TACR1: variants seen among roughly 807,000 people sequenced by gnomAD.
TACR1 encodes the protein substance-P receptor.
A neutral mutation model predicts 35.8 loss-of-function variants in TACR1; 25 were observed. The observed-to-expected ratio is 0.70, with a 90% CI of 0.51 to 0.98. The LOEUF (loss-of-function observed/expected upper bound fraction) is 0.98, where lower values mean the gene tolerates loss of function less well. Among genes scored for constraint, TACR1 ranks in the 50% least tolerant of loss-of-function variants. TACR1 has a pLI of 0.00. For missense variants in TACR1, 478 were observed against 522.9 expected (o/e 0.91, Z 0.84); for synonymous variants, 195 against 206.7 (o/e 0.94, Z 0.48).
chr2:75,143,228 T>A (rs1480276713), intron 1 of TACR1, among the ~76,000 whole-genome samples: 2 of 152,212 alleles, frequency 1.3e-5, no homozygotes, highest in Admixed American at 6.5e-5. Context: ...GGATCCTGAT[T>A]GGCCTTGCTG....
At chr2:75,074,897 C>T (rs952127745) in intron 2 of TACR1, among the ~76,000 whole-genome samples, 2 of 152,130 alleles carry the variant, frequency 1.3e-5, no homozygotes, top group African/African-American at 2.4e-5. Flanking sequence ...CTGGGGTTTT[C>T]CCAGTTTCAA....
intron 2 of TACR1, among the ~76,000 whole-genome samples, chr2:75,055,223 T>C (rs1396421160): frequency 6.6e-6 from 1 of 152,264 alleles, no homozygotes; most frequent in Non-Finnish European, 1.5e-5. Context: ...ATCACTTCTT[T>C]GTAAAGCCCC....
At chr2:75,101,618 T>C (rs1037596343) in intron 2 of TACR1, among the ~76,000 whole-genome samples, 17 of 152,178 alleles carry the variant, frequency 1.1e-4, no homozygotes, top group Admixed American at 7.2e-4. Flanking sequence ...ATTCTGGAAC[T>C]GCACCTGATA....
At chr2:75,136,919 A>G (rs1674303670) in intron 1 of TACR1, among the ~76,000 whole-genome samples, 1 of 152,170 alleles carries the variant, frequency 6.6e-6, no homozygotes, top group Non-Finnish European at 1.5e-5. Context: ...CTGGTAGACT[A>G]CCTAGGAGAT....
chr2:75,085,824 G>T (rs958073011), intron 2 of TACR1, among the ~76,000 whole-genome samples: 1 of 152,034 alleles, frequency 6.6e-6, no homozygotes, highest in African/African-American at 2.4e-5. Flanking sequence ...TCACTTGTTA[G>T]AACATTTTCA....
intron 2 of TACR1, among the ~76,000 whole-genome samples, chr2:75,106,224 A>C (rs1311297898): frequency 6.6e-6 from 1 of 152,056 alleles, no homozygotes; most frequent in Non-Finnish European, 1.5e-5. Context: ...ATAATACATG[A>C]ATTACAAACT....
At chr2:75,100,661 G>A (rs1167152395) in intron 2 of TACR1, among the ~76,000 whole-genome samples, 1 of 152,208 alleles carries the variant, frequency 6.6e-6, no homozygotes, top group East Asian at 1.9e-4. Context: ...GGTGACGAGT[G>A]TGATAGGTCA....
intron 1 of TACR1, among the ~76,000 whole-genome samples, chr2:75,148,877 C>A (rs1300209096): frequency 6.6e-6 from 1 of 152,086 alleles, no homozygotes. Context: ...AGTCTTTAAT[C>A]CATCTTGAGT....
At chr2:75,115,169 T>C (rs1247308602) in intron 2 of TACR1, among the ~76,000 whole-genome samples, 2 of 149,862 alleles carry the variant, frequency 1.3e-5, no homozygotes, top group South Asian at 2.1e-4. Context: ...AAATTGTCTA[T>C]ATGGTAAATG....
intron 2 of TACR1, among the ~76,000 whole-genome samples, chr2:75,104,679 A>G (rs1177482577): frequency 1.3e-5 from 2 of 152,110 alleles, no homozygotes; most frequent in Non-Finnish European, 2.9e-5. Flanking sequence ...CTGAAATCAT[A>G]TCAAGTATCT....
intron 1 of TACR1, among the ~76,000 whole-genome samples, chr2:75,157,027 C>T (rs1674877600): frequency 6.6e-6 from 1 of 152,142 alleles, no homozygotes; most frequent in African/African-American, 2.4e-5. Flanking sequence ...TCCATTTCTC[C>T]AAAGGACTCA....
chr2:75,177,837 A>G (rs1038973496), intron 1 of TACR1, among the ~76,000 whole-genome samples: 1 of 152,216 alleles, frequency 6.6e-6, no homozygotes, highest in Non-Finnish European at 1.5e-5. Flanking sequence ...GCATGCTTCA[A>G]CATTGCTTGA....
chr2:75,179,075 A>G (rs1015160208), intron 1 of TACR1, among the ~76,000 whole-genome samples: 5 of 152,130 alleles, frequency 3.3e-5, no homozygotes, highest in Non-Finnish European at 7.4e-5. Flanking sequence ...CTACTTGTCT[A>G]TCTACTGCCT....
intron 1 of TACR1, among the ~76,000 whole-genome samples, chr2:75,153,297 G>T (rs1674715896): frequency 6.6e-6 from 1 of 152,190 alleles, no homozygotes; most frequent in Non-Finnish European, 1.5e-5. Flanking sequence ...AAGATGCTAT[G>T]GCAAGAAAGC....
At chr2:75,189,942 T>C (rs1258060729) in intron 1 of TACR1, 1 of 152,210 alleles carries the variant, frequency 6.6e-6, no homozygotes, top group African/African-American at 2.4e-5. Context: ...TATGTAAGAT[T>C]GATTTGATTA....
intron 1 of TACR1, among the ~76,000 whole-genome samples, chr2:75,184,535 A>C (rs181030962): frequency 5.3e-5 from 8 of 152,058 alleles, no homozygotes; most frequent in Non-Finnish European, 8.8e-5. Context: ...GAGAAAAAAA[A>C]CCAGAAAAAT....
rs1672419208 is a variant in TACR1 at position 75,049,196 on chromosome 2, A to G, written c.*236T>C. 3 of 506,724 alleles carry G rather than the reference A, an allele frequency of 5.9e-6. No homozygotes were observed. The highest frequency in any genetic ancestry group is 3.7e-5 in the South Asian group (1 of 26,798). 31.4% of individuals were successfully genotyped at this position (506,724 alleles called of 1,614,324 possible). A position where few individuals can be genotyped will look rare whatever the true frequency, so the allele number is the denominator to read the frequency against. On this transcript the variant is annotated 3_prime_UTR_variant, in exon 5 of 5. Transcript: ENST00000305249. ...AAGCTGGTCCGACCTTTTATTTTAC[A>G]GGCTCAGCAAAGTTCAGTGATTTGG... is the stretch of plus-strand genomic sequence containing the variant.
chr2:75,183,762 A>G (rs1349975372), intron 1 of TACR1, among the ~76,000 whole-genome samples: 1 of 152,178 alleles, frequency 6.6e-6, no homozygotes, highest in African/African-American at 2.4e-5. Context: ...TGAGGGAGTA[A>G]AATCCTCAAA....
At chr2:75,180,894 T>G (rs1478460360) in intron 1 of TACR1, among the ~76,000 whole-genome samples, 1 of 152,202 alleles carries the variant, frequency 6.6e-6, no homozygotes. Flanking sequence ...AAATAACTGT[T>G]GAATTTCTAC....
Sources: gnomAD v4.1 joint callset for allele counts (sites outside exome capture counted in the v4.1 genomes callset) on GRCh38, gnomAD v4.1.1 for gene constraint, MANE v1.5 for transcripts, NCBI Gene and HGNC (gene_info 2026-07-23, HGNC 2026-07-21) for gene names.